The following BCCIP variants were observed in gnomAD, a reference collection of about 807,000 sequenced individuals.
BCCIP encodes the protein BRCA2 and CDKN1A interacting protein, also known as BRCA2 and CDKN1A-interacting protein.
In BCCIP, 23 loss-of-function variants were observed where a neutral mutation model predicts 32.8. The ratio of observed to expected loss-of-function variants is 0.70; its 90% confidence interval spans 0.51 to 0.99. The LOEUF is 0.99. Among genes scored for constraint, BCCIP ranks in the 50% least tolerant of loss-of-function variants. The pLI is 0.00. For synonymous variants in BCCIP, 144 were observed against 137.6 expected (o/e 1.05, Z -0.33); for missense variants, 378 against 379.8 (o/e 1.00, Z 0.04).
chr10:125,840,732 A>G, downstream of BCCIP: 1 of 1,223,414 alleles, frequency 8.2e-7, no homozygotes, highest in Non-Finnish European at 1.1e-6. Flanking sequence ...GTGCCATTGC[A>G]TTCAAGTGGC....
intron 7 of BCCIP, chr10:125,852,625 T>C (rs1388806850): frequency 6.2e-7 from 1 of 1,611,128 alleles, no homozygotes; most frequent in Non-Finnish European, 8.5e-7. Flanking sequence ...AGTTTGCTCT[T>C]ATTCTCGGGT....
downstream of BCCIP, among the ~76,000 whole-genome samples, chr10:125,844,576 TAATA>T (rs926103090): frequency 4.6e-5 from 7 of 152,256 alleles, no homozygotes; most frequent in African/African-American, 1.2e-4. Flanking sequence ...TGAAGAACAT[TAATA>T]AATAACTAAA....
chr10:125,831,873 C>G (rs191703332), intron 5 of BCCIP, among the ~76,000 whole-genome samples: 1 of 152,100 alleles, frequency 6.6e-6, no homozygotes, highest in South Asian at 2.1e-4. Flanking sequence ...GACTTTGCAT[C>G]CCCATTTGAT....
At chr10:125,834,041 C>A in intron 6 of BCCIP, 95 bp downstream of exon 6, 1 of 1,370,710 alleles carries the variant, frequency 7.3e-7, no homozygotes, top group Non-Finnish European at 1.0e-6. Context: ...AGGTCCAAGT[C>A]TTTCAAGTGT....
chr10:125,841,165 C>A (rs1420475736), downstream of BCCIP: 47 of 1,377,618 alleles, frequency 3.4e-5, no homozygotes, highest in South Asian at 5.7e-4. Context: ...TAGAGTGAGT[C>A]ATCCTAATTC....
intron 1 of BCCIP, 110 bp downstream of exon 1, chr10:125,823,832 G>T (rs1854257919): frequency 1.4e-6 from 2 of 1,419,382 alleles, no homozygotes; most frequent in Non-Finnish European, 1.9e-6. Flanking sequence ...GGGTCTGTGA[G>T]GAGAAACTGG....
chr10:125,841,872 C>T, exon 7 of BCCIP: 2 of 1,613,380 alleles, frequency 1.2e-6, no homozygotes, highest in Non-Finnish European at 1.7e-6. Flanking sequence ...GAAAGATTTC[C>T]ATCATTATCC....
chr10:125,829,133 A>T (rs1341484159), intron 3 of BCCIP, among the ~76,000 whole-genome samples: 1 of 152,218 alleles, frequency 6.6e-6, no homozygotes, highest in Non-Finnish European at 1.5e-5. Flanking sequence ...TCAGAAGAGC[A>T]TGTCCAAGGA....
chr10:125,828,515 GA>G (rs1854454669), intron 3 of BCCIP, among the ~76,000 whole-genome samples: 4 of 152,160 alleles, frequency 2.6e-5, no homozygotes, highest in Admixed American at 6.6e-5. Flanking sequence ...AGGAGAAGTA[GA>G]AGAAACAATA....
intron 5 of BCCIP, among the ~76,000 whole-genome samples, chr10:125,832,814 CTT>C (rs761671587): frequency 1.7e-5 from 2 of 116,800 alleles, no homozygotes. Context: ...TTTTTTTTTT[CTT>C]TTTTTTTTTT....
At chr10:125,848,255 G>T (rs1944049189) in intron 7 of BCCIP, among the ~76,000 whole-genome samples, 1 of 152,174 alleles carries the variant, frequency 6.6e-6, no homozygotes, top group African/African-American at 2.4e-5. Flanking sequence ...CTCTGAAGAG[G>T]ACAGGGAGGA....
At chr10:125,834,927 T>C (rs981087507) in intron 6 of BCCIP, among the ~76,000 whole-genome samples, 1 of 150,486 alleles carries the variant, frequency 6.6e-6, no homozygotes, top group South Asian at 2.1e-4. Context: ...GGTCAGGAGA[T>C]CGAGACCATC....
downstream of BCCIP, among the ~76,000 whole-genome samples, chr10:125,847,162 T>C (rs1325009416): frequency 6.6e-6 from 1 of 152,162 alleles, no homozygotes; most frequent in Non-Finnish European, 1.5e-5. Flanking sequence ...TGTATGGTCA[T>C]TTTAAAACCC....
intron 1 of BCCIP, among the ~76,000 whole-genome samples, chr10:125,825,213 T>G (rs572011963): frequency 6.6e-6 from 1 of 152,346 alleles, no homozygotes; most frequent in South Asian, 2.1e-4. Flanking sequence ...ACGTGACTGT[T>G]CCTGCTGAAG....
downstream of BCCIP, chr10:125,841,527 G>C (rs964708151): frequency 3.5e-6 from 5 of 1,427,792 alleles, no homozygotes; most frequent in Admixed American, 9.3e-5. Context: ...TAAATTTGCT[G>C]AACTTTGAGT....
chr10:125,848,217 G>A (rs1944048977), intron 7 of BCCIP, among the ~76,000 whole-genome samples: 1 of 152,212 alleles, frequency 6.6e-6, no homozygotes, highest in African/African-American at 2.4e-5. Flanking sequence ...AATGTCTAGG[G>A]CCTCTGGGGA....
In BCCIP at chr10:125,834,103, C is replaced by G. The variant is rs561736023; in HGVS notation, c.774+157C>G. ...CAGGACCTAGCAGCTAACATAGTGC[C>G]AGGTGCATAGTAGGTACTCAGGAGG... On this transcript the variant is annotated intron_variant, in intron 6 of 6. Coordinates refer to ENST00000278100, the MANE Select transcript of BCCIP (RefSeq NM_078468.3). The G allele has an allele frequency of 8.0e-5, 60 of 754,478 alleles. No individual in the cohort carries two copies. In the East Asian group the frequency reaches 1.6e-3, roughly 20 times the overall value. 46.7% of individuals were successfully genotyped at this position (754,478 alleles called of 1,614,324 possible).
chr10:125,831,171 G>C (rs1464523020), intron 4 of BCCIP, among the ~76,000 whole-genome samples: 2 of 152,184 alleles, frequency 1.3e-5, no homozygotes, highest in Non-Finnish European at 2.9e-5. Context: ...AGATGGACTA[G>C]AGTTGCCATT....
downstream of BCCIP, among the ~76,000 whole-genome samples, chr10:125,845,107 T>C (rs1169336522): frequency 2.0e-5 from 3 of 152,140 alleles, no homozygotes; most frequent in Admixed American, 1.3e-4. Context: ...CAGCGCTAAC[T>C]CCAAGCTGAG....
Sources: gnomAD v4.1 joint callset for allele counts (sites outside exome capture counted in the v4.1 genomes callset) on GRCh38, gnomAD v4.1.1 for gene constraint, MANE v1.5 for transcripts, NCBI Gene and HGNC (gene_info 2026-07-23, HGNC 2026-07-21) for gene names.